Variants in ADCY5 observed in about 807,000 individuals in gnomAD.
ADCY5 encodes adenylate cyclase 5.
A neutral mutation model predicts 119.7 loss-of-function variants in ADCY5; 30 were observed. The observed-to-expected ratio is 0.25, with a 90% CI of 0.19 to 0.34. The LOEUF is 0.34. Ranked by LOEUF, ADCY5 falls within the 10% of genes least tolerant of loss-of-function variation. The probability of loss-of-function intolerance (pLI) is 1.00; values close to 1 mark genes in which losing one functional copy is unlikely to be tolerated. For missense variants in ADCY5, 1,324 were observed against 1,775.2 expected (o/e 0.75, Z 4.57); for synonymous variants, 753 against 762.2 (o/e 0.99, Z 0.20).
intron 3 of ADCY5, among the ~76,000 whole-genome samples, chr3:123,340,135 T>A (rs1412205588): frequency 2.0e-5 from 3 of 151,588 alleles, no homozygotes; most frequent in Non-Finnish European, 4.4e-5. Context: ...GCAAAAAAAA[T>A]TTAAAAATCA....
At chr3:123,285,782 T>C (rs578059332) in intron 20 of ADCY5, among the ~76,000 whole-genome samples, 15 of 152,248 alleles carry the variant, frequency 9.9e-5, no homozygotes, top group African/African-American at 3.4e-4. Flanking sequence ...CTGCTGTCCT[T>C]CTCTCCTTTG....
In ADCY5 at chr3:123,447,519, G is replaced by T. The variant is rs1334054030; in HGVS notation, c.1027C>A (p.Leu343Met). The T allele has an allele frequency of 6.2e-7, 1 of 1,611,168 alleles. No homozygotes were observed. Among genetic ancestry groups the T allele is most frequent in the Admixed American group, 1.7e-5 (1 of 59,946 alleles). The change falls in exon 1 of 21, where the codon CTG (leucine) becomes ATG (methionine). Residue 343 changes from leucine (L) to methionine (M), a missense_variant. Physicochemically the swap from Leu to Met is conservative, Grantham distance 15. Coordinates refer to ENST00000462833, the MANE Select transcript of ADCY5 (RefSeq NM_183357.3). ...ACTGCGGCCCGCATGCGCACGGGCA[G>T]CAGCGTGTAGATGGTGTAGATGAAG... is the stretch of plus-strand genomic sequence containing the variant. The part of the protein sequence containing the change: ...VFFIYTIYTL[L>M]PVRMRAAVLS...
At chr3:123,374,876 C>G (rs182438294) in intron 1 of ADCY5, among the ~76,000 whole-genome samples, 19 of 152,356 alleles carry the variant, frequency 1.2e-4, no homozygotes, top group Non-Finnish European at 4.4e-5. Flanking sequence ...GAGACCTTGA[C>G]AGAGACGGAA....
At chr3:123,345,731 C>CAG (rs1184689744) in intron 3 of ADCY5, among the ~76,000 whole-genome samples, 1 of 98,400 alleles carries the variant, frequency 1.0e-5, no homozygotes, top group South Asian at 3.5e-4. Flanking sequence ...GTCACAGAGA[C>CAG]AGAGAGACAG....
intron 2 of ADCY5, among the ~76,000 whole-genome samples, chr3:123,351,255 T>C (rs1456578978): frequency 2.6e-5 from 4 of 152,050 alleles, no homozygotes; most frequent in Non-Finnish European, 5.9e-5. Flanking sequence ...TCACCAGCCA[T>C]ATCACTGTGA....
chr3:123,413,862 TG>T (rs534868519), intron 1 of ADCY5, among the ~76,000 whole-genome samples: 6 of 151,010 alleles, frequency 4.0e-5, no homozygotes, highest in Admixed American at 6.6e-5. Context: ...GACAAAGGGG[TG>T]GGGGGGCTGC....
At chr3:123,315,484 C>T (rs1223665111) in intron 11 of ADCY5, among the ~76,000 whole-genome samples, 1 of 152,162 alleles carries the variant, frequency 6.6e-6, no homozygotes, top group African/African-American at 2.4e-5. Flanking sequence ...TGACCCAGCC[C>T]CCAAGCCGCT....
At chr3:123,424,559 G>C (rs1025720075) in intron 1 of ADCY5, among the ~76,000 whole-genome samples, 17 of 152,210 alleles carry the variant, frequency 1.1e-4, no homozygotes, top group African/African-American at 3.9e-4. Flanking sequence ...ACTCCTCTGA[G>C]GGCTAGAACA....
intron 1 of ADCY5, among the ~76,000 whole-genome samples, chr3:123,406,903 G>C (rs981645211): frequency 1.3e-5 from 2 of 152,128 alleles, no homozygotes; most frequent in African/African-American, 4.8e-5. Flanking sequence ...CACCCTGCAG[G>C]CCAAGCCGCC....
chr3:123,340,785 T>G (rs1490893956), intron 3 of ADCY5, among the ~76,000 whole-genome samples: 1 of 151,998 alleles, frequency 6.6e-6, no homozygotes, highest in East Asian at 1.9e-4. Flanking sequence ...AAAGATAGAA[T>G]CGCCGTATGA....
At chr3:123,335,517 A>C (rs1387370306) in intron 3 of ADCY5, among the ~76,000 whole-genome samples, 1 of 152,206 alleles carries the variant, frequency 6.6e-6, no homozygotes, top group African/African-American at 2.4e-5. Flanking sequence ...TCCACACTTT[A>C]GGAGTTGAAC....
intron 3 of ADCY5, among the ~76,000 whole-genome samples, chr3:123,340,854 G>A (rs565682328): frequency 6.6e-6 from 1 of 152,092 alleles, no homozygotes; most frequent in Non-Finnish European, 1.5e-5. Context: ...GCCAGGCATG[G>A]TGGCTCACTT....
chr3:123,326,374 TC>T (rs908916720), intron 7 of ADCY5, among the ~76,000 whole-genome samples: 1 of 152,076 alleles, frequency 6.6e-6, no homozygotes, highest in Non-Finnish European at 1.5e-5. Flanking sequence ...CTCAACTCCC[TC>T]CCTTGTCAGA....
At chr3:123,337,084 CA>C (rs957147938) in intron 3 of ADCY5, among the ~76,000 whole-genome samples, 13 of 152,336 alleles carry the variant, frequency 8.5e-5, no homozygotes, top group Middle Eastern at 3.4e-3. Flanking sequence ...TCTACCACCT[CA>C]TTTAAATTTA....
chr3:123,313,830 A>C lies in ADCY5; in HGVS notation c.2442+405T>G, dbSNP rs1940728120. Among the ~76,000 whole-genome samples, 3 of 152,240 alleles carry C rather than the reference A, an allele frequency of 2.0e-5. No individual in the cohort carries two copies. The South Asian group carries it at 6.2e-4, about 32-fold the overall frequency. On this transcript the variant is annotated intron_variant, in intron 12 of 20. Transcript: ENST00000462833. ...TCCCCTCCAGGGAAAATCCCAGAGC[A>C]CATGGGAGCACCAAAGCGGGTGTCG...
intron 15 of ADCY5, 132 bp downstream of exon 15, chr3:123,299,988 G>A (rs1056123064): frequency 3.0e-6 from 3 of 1,012,720 alleles, no homozygotes; most frequent in South Asian, 1.6e-5. Context: ...TTTTCCAGAT[G>A]TCAGGGCTGG....
At chr3:123,396,633 AG>A (rs1327774586) in intron 1 of ADCY5, among the ~76,000 whole-genome samples, 3 of 137,814 alleles carry the variant, frequency 2.2e-5, no homozygotes, top group Admixed American at 2.2e-4. Flanking sequence ...GGAGGGAGGG[AG>A]GGAAGGAGAC....
At chr3:123,292,073 G>A (rs571589981) in intron 17 of ADCY5, among the ~76,000 whole-genome samples, 20 of 152,342 alleles carry the variant, frequency 1.3e-4, no homozygotes, top group African/African-American at 4.1e-4. Context: ...AGATCCCTCG[G>A]GTCAAGAGGC....
chr3:123,408,897 C>G (rs919300744), intron 1 of ADCY5, among the ~76,000 whole-genome samples: 6 of 152,120 alleles, frequency 3.9e-5, no homozygotes, highest in African/African-American at 1.4e-4. Context: ...ATCGTTTGAA[C>G]CCAGGAGGCA....
Sources: gnomAD v4.1 joint callset for allele counts (sites outside exome capture counted in the v4.1 genomes callset) on GRCh38, gnomAD v4.1.1 for gene constraint, MANE v1.5 for transcripts, NCBI Gene and HGNC (gene_info 2026-07-23, HGNC 2026-07-21) for gene names.